VOPP1: variants seen among roughly 807,000 people sequenced by gnomAD.
VOPP1 encodes the protein WW domain binding protein VOPP1.
VOPP1 carries 8 observed loss-of-function variants against 23.5 expected under a neutral mutation model. That is an observed-to-expected ratio of 0.34 (90% CI 0.20 to 0.61). The LOEUF is 0.61. VOPP1 is among the 20% of genes least tolerant of loss of function. The pLI is 0.78. For synonymous variants in VOPP1, 83 were observed against 97.3 expected (o/e 0.85, Z 0.86); for missense variants, 174 against 238.1 (o/e 0.73, Z 1.77).
At chr7:55,565,520 G>A (rs114969104) in intron 1 of VOPP1, among the ~76,000 whole-genome samples, 2,393 of 152,110 alleles carry the variant, frequency 0.016, 68 homozygotes, top group African/African-American at 0.054. Flanking sequence ...AAACAATATG[G>A]GACACTGGAT....
rs202229227 is a variant in VOPP1, at chr7:55,552,021, CAAAAAAAAAAAAA to C, written c.54+20237_54+20249del. Among the ~76,000 whole-genome samples the C allele has an allele frequency of 3.2e-3, 177 of 55,806 alleles. 1 individual carries two copies. Among genetic ancestry groups the C allele is most frequent in the South Asian group, 0.028 (58 of 2,058 alleles). The allele number at this position is 55,806 out of a possible 152,430, so 36.6% of individuals were successfully genotyped here. ...TGGGCAACAAGAGTGAGACTGTGTC[CAAAAAAAAAAAAA>C]AAAAAAAAAAAAAGGTGTTGACAAG... On this transcript the variant is annotated intron_variant, in intron 1 of 4. Coordinates refer to ENST00000285279, the MANE Select transcript of VOPP1 (RefSeq NM_030796.5).
chr7:55,514,149 T>C (rs968068375), intron 2 of VOPP1, among the ~76,000 whole-genome samples: 2 of 152,186 alleles, frequency 1.3e-5, no homozygotes, highest in African/African-American at 4.8e-5. Context: ...GAAGGAGAGA[T>C]GAGGTGGTTG....
chr7:55,441,844 C>T (rs753260403), intron 4 of VOPP1, among the ~76,000 whole-genome samples: 1 of 152,172 alleles, frequency 6.6e-6, no homozygotes, highest in Non-Finnish European at 1.5e-5. Context: ...TCAGCACACA[C>T]ATGCCTCACA....
intron 4 of VOPP1, among the ~76,000 whole-genome samples, chr7:55,460,032 T>C (rs1791458428): frequency 6.6e-6 from 1 of 150,786 alleles, no homozygotes; most frequent in Admixed American, 6.7e-5. Context: ...GCACTGCTTT[T>C]CTGTATCCCA....
At chr7:55,550,726 T>A (rs111589456) in intron 1 of VOPP1, among the ~76,000 whole-genome samples, 1,922 of 152,306 alleles carry the variant, frequency 0.013, 17 homozygotes, top group Middle Eastern at 0.024. Flanking sequence ...GGAATGGAAA[T>A]GCTCGTGACA....
chr7:55,490,165 C>T lies in VOPP1; in HGVS notation c.328+2117G>A, dbSNP rs1793462902. 4.6e-5 allele frequency among the ~76,000 whole-genome samples: 7 copies of T among 152,068 alleles called. No individual in the cohort carries two copies. The South Asian group carries it at 1.5e-3, about 32-fold the overall frequency. On this transcript the variant is annotated intron_variant, in intron 4 of 4. Coordinates refer to ENST00000285279, the MANE Select transcript of VOPP1 (RefSeq NM_030796.5). ...CAGAGACCCTGCCGCAGAAAAATAG[C>T]ACGGCCGATGTGCTTCTGTTTTTTG...
At chr7:55,501,579 G>C (rs1477452862) in intron 2 of VOPP1, among the ~76,000 whole-genome samples, 1 of 152,130 alleles carries the variant, frequency 6.6e-6, no homozygotes, top group Non-Finnish European at 1.5e-5. Flanking sequence ...GGTGGCAATG[G>C]CTTTAGTCAA....
intron 4 of VOPP1, among the ~76,000 whole-genome samples, chr7:55,489,627 C>T (rs1793416951): frequency 6.6e-6 from 1 of 152,160 alleles, no homozygotes. Context: ...CTCCTGCAGG[C>T]GCCTCAGCAG....
rs146229558 is a variant in VOPP1 at position 55,501,194 on chromosome 7, C to T, written c.114-3504G>A. 1.9e-3 allele frequency among the ~76,000 whole-genome samples: 294 copies of T among 152,276 alleles called. 1 individual carries two copies. The highest frequency in any genetic ancestry group is 3.7e-3 in the Non-Finnish European group (251 of 68,028). On this transcript the variant is annotated intron_variant, in intron 2 of 4. Transcript: ENST00000285279. ...CCTGTATCATATGATGTCAGCAATG[C>T]GCTACAATTAGCAGGTAACTTAATC...
chr7:55,497,566 G>A (rs753927048), intron 3 of VOPP1, 47 bp downstream of exon 3: 5 of 1,409,864 alleles, frequency 3.5e-6, no homozygotes, highest in Non-Finnish European at 2.9e-6. Flanking sequence ...GGGGGGGGGG[G>A]GGGGCAGAGC....
At chr7:55,505,279 G>A (rs879495141) in intron 2 of VOPP1, among the ~76,000 whole-genome samples, 4 of 152,158 alleles carry the variant, frequency 2.6e-5, no homozygotes, top group Admixed American at 2.0e-4. Context: ...CGAGACTGGG[G>A]CCTGAAAATG....
intron 4 of VOPP1, among the ~76,000 whole-genome samples, chr7:55,479,307 C>G (rs1038125187): frequency 7.0e-6 from 1 of 143,340 alleles, no homozygotes; most frequent in African/African-American, 2.6e-5. Context: ...CCTCCCCCAT[C>G]CCCCCACCCC....
At chr7:55,568,283 G>C (rs1434015102) in intron 1 of VOPP1, among the ~76,000 whole-genome samples, 1 of 152,044 alleles carries the variant, frequency 6.6e-6, no homozygotes, top group Non-Finnish European at 1.5e-5. Flanking sequence ...CTTTCACCGT[G>C]TTAGCCAGGA....
At chr7:55,552,155 G>A (rs550526764) in intron 1 of VOPP1, among the ~76,000 whole-genome samples, 8 of 152,174 alleles carry the variant, frequency 5.3e-5, no homozygotes, top group African/African-American at 9.7e-5. Context: ...CAAGGGTTGA[G>A]GTCTGTGCCT....
At chr7:55,475,955 C>T (rs1432400758) in intron 4 of VOPP1, among the ~76,000 whole-genome samples, 1 of 152,208 alleles carries the variant, frequency 6.6e-6, no homozygotes, top group Admixed American at 6.5e-5. Context: ...AGCACCAGGA[C>T]TTGAACCCAG....
At chr7:55,549,388 G>T (rs1797506321) in intron 1 of VOPP1, among the ~76,000 whole-genome samples, 2 of 152,180 alleles carry the variant, frequency 1.3e-5, no homozygotes, top group Admixed American at 1.3e-4. Context: ...CGGGCCCATG[G>T]CTTAATTTCT....
At chr7:55,503,567 GGAT>G in intron 2 of VOPP1, among the ~76,000 whole-genome samples, 1 of 152,348 alleles carries the variant, frequency 6.6e-6, no homozygotes, top group Middle Eastern at 3.4e-3. Context: ...TTGTTGCTAT[GGAT>G]GGAAAGTGTC....
intron 1 of VOPP1, among the ~76,000 whole-genome samples, chr7:55,527,486 T>C (rs1388834683): frequency 6.6e-6 from 1 of 152,206 alleles, no homozygotes; most frequent in Non-Finnish European, 1.5e-5. Flanking sequence ...CTGTAAACCT[T>C]AAACGAAGCC....
At chr7:55,525,111 A>T (rs1796092788) in intron 1 of VOPP1, among the ~76,000 whole-genome samples, 1 of 152,068 alleles carries the variant, frequency 6.6e-6, no homozygotes, top group Non-Finnish European at 1.5e-5. Context: ...GGAGCCAAAG[A>T]ACCAGAGCTC....
Sources: gnomAD v4.1 joint callset for allele counts (sites outside exome capture counted in the v4.1 genomes callset) on GRCh38, gnomAD v4.1.1 for gene constraint, MANE v1.5 for transcripts, NCBI Gene and HGNC (gene_info 2026-07-23, HGNC 2026-07-21) for gene names.